Variants in TSPAN18 observed in about 807,000 individuals in gnomAD.
TSPAN18 encodes tetraspanin-18.
A neutral mutation model predicts 27.3 loss-of-function variants in TSPAN18; 14 were observed. The ratio of observed to expected loss-of-function variants is 0.51; its 90% CI spans 0.34 to 0.80. The LOEUF (loss-of-function observed/expected upper bound fraction) is 0.80, where lower values mean the gene tolerates loss of function less well. TSPAN18 is among the 30% of genes least tolerant of loss of function. TSPAN18 has a pLI of 0.01. For missense variants in TSPAN18, 268 were observed against 323.9 expected (o/e 0.83, Z 1.32); for synonymous variants, 143 against 136.5 (o/e 1.05, Z -0.33).
In TSPAN18 at chr11:44,812,573, G is replaced by A. The variant is rs565111338; in HGVS notation, c.-152-47755G>A. Among the ~76,000 whole-genome samples the A allele has an allele frequency of 3.3e-5, 5 of 152,254 alleles. No individual in the cohort carries two copies. In the South Asian group the frequency reaches 1.0e-3, roughly 32 times the overall value. On this transcript the variant is annotated intron_variant, in intron 2 of 9. Coordinates refer to ENST00000520358, the MANE Select transcript of TSPAN18 (RefSeq NM_130783.5). ...GGGGAGGTGGTGCAAACTCTGATGG[G>A]GGCCCATCTTCACAGACTCCCTAGT...
chr11:44,929,192 A>C lies in TSPAN18; in HGVS notation c.*14A>C. ...GGCATCCAGTAGAGGGTATGGCCTG[A>C]AGCCTGAAGACTCGCCCCACCCACC... is the stretch of plus-strand genomic sequence containing the variant. On this transcript the variant is annotated 3_prime_UTR_variant, in exon 10 of 10. Transcript: ENST00000520358. The C allele has an allele frequency of 6.2e-7, 1 of 1,613,346 alleles. No homozygotes were observed. Among genetic ancestry groups the C allele is most frequent in the Non-Finnish European group, 8.5e-7 (1 of 1,179,954 alleles).
intron 2 of TSPAN18, among the ~76,000 whole-genome samples, chr11:44,851,023 C>T (rs1254858755): frequency 6.6e-6 from 1 of 152,210 alleles, no homozygotes; most frequent in Non-Finnish European, 1.5e-5. Flanking sequence ...CAACACCATC[C>T]CAGGGCTGTG....
intron 3 of TSPAN18, among the ~76,000 whole-genome samples, chr11:44,892,968 G>T (rs1858903173): frequency 6.6e-6 from 1 of 152,224 alleles, no homozygotes; most frequent in Non-Finnish European, 1.5e-5. Context: ...TCAATTGGTG[G>T]GAAGAGCAGC....
intron 4 of TSPAN18, among the ~76,000 whole-genome samples, chr11:44,908,802 A>AGAAGGAAGGAAGGAAG (rs1859584133): frequency 8.7e-6 from 1 of 115,604 alleles, no homozygotes; most frequent in African/African-American, 3.6e-5. Context: ...AAAGAAAGAA[A>AGAAGGAAGGAAGGAAG]GAAAGAAAGA....
In TSPAN18 at chr11:44,929,297, A is replaced by G; in HGVS notation, c.*119A>G. 7.7e-7 allele frequency: 1 copy of G among 1,293,440 alleles called. No homozygotes were observed. The highest frequency in any genetic ancestry group is 1.1e-6 in the Non-Finnish European group (1 of 915,698). 80.1% of individuals were successfully genotyped at this position (1,293,440 alleles called of 1,614,324 possible). On this transcript the variant is annotated 3_prime_UTR_variant, in exon 10 of 10. Coordinates refer to ENST00000520358, the MANE Select transcript of TSPAN18 (RefSeq NM_130783.5). The stretch of plus-strand genomic sequence containing the variant: ...AGGGGAGAAGATGAGGCCATCAGAG[A>G]TGGCCAGGAGAAGGGCCAGGGGAAT...
At chr11:44,829,647 G>A (rs1262662191) in intron 2 of TSPAN18, among the ~76,000 whole-genome samples, 2 of 152,152 alleles carry the variant, frequency 1.3e-5, no homozygotes, top group Admixed American at 6.5e-5. Context: ...GTAAACATTA[G>A]TGTGCGGTTT....
At chr11:44,817,543 T>G (rs1382008272) in intron 2 of TSPAN18, among the ~76,000 whole-genome samples, 1 of 152,234 alleles carries the variant, frequency 6.6e-6, no homozygotes, top group Non-Finnish European at 1.5e-5. Flanking sequence ...CAGTGGCTAC[T>G]GAGATTTTCT....
chr11:44,926,131 G>A (rs979656314), intron 8 of TSPAN18, among the ~76,000 whole-genome samples: 1 of 152,186 alleles, frequency 6.6e-6, no homozygotes, highest in Non-Finnish European at 1.5e-5. Flanking sequence ...AGGCTGGGCT[G>A]TGTTTCCTTG....
At chr11:44,745,264 TTAATA>T (rs1401159565) in intron 1 of TSPAN18, among the ~76,000 whole-genome samples, 5 of 152,184 alleles carry the variant, frequency 3.3e-5, no homozygotes, top group African/African-American at 1.2e-4. Flanking sequence ...TCAAGTGATT[TTAATA>T]TAATTTCATC....
chr11:44,889,759 T>C (rs1858781784), intron 3 of TSPAN18, among the ~76,000 whole-genome samples: 1 of 152,210 alleles, frequency 6.6e-6, no homozygotes, highest in Non-Finnish European at 1.5e-5. Context: ...GGACCCCAGA[T>C]AAACCTCAGG....
intron 2 of TSPAN18, among the ~76,000 whole-genome samples, chr11:44,812,007 A>C (rs1272468475): frequency 6.6e-6 from 1 of 152,136 alleles, no homozygotes; most frequent in Non-Finnish European, 1.5e-5. Context: ...ATATGTTGCT[A>C]GTGGTCGACT....
rs370157127 is a variant in TSPAN18, at chr11:44,732,468, TA to T, written c.-240+5182del. Among the ~76,000 whole-genome samples, 450 of 152,326 alleles carry T rather than the reference TA, an allele frequency of 3.0e-3. 1 individual carries two copies. Among genetic ancestry groups the T allele is most frequent in the African/African-American group, 0.01 (427 of 41,568 alleles). ...TATCCTGTGTGCTAAACCACTGTGT[TA>T]TATTTCCTCATGTATCAAAACCTCC... On this transcript the variant is annotated intron_variant, in intron 1 of 9. Transcript: ENST00000520358.
chr11:44,778,923 A>G (rs1367592604), intron 2 of TSPAN18, among the ~76,000 whole-genome samples: 3 of 151,990 alleles, frequency 2.0e-5, no homozygotes, highest in Non-Finnish European at 4.4e-5. Context: ...ATCTCTGGGG[A>G]CATTAGTCTT....
intron 2 of TSPAN18, among the ~76,000 whole-genome samples, chr11:44,776,868 TTGGCTTATA>T (rs1305324548): frequency 2.6e-5 from 4 of 152,208 alleles, no homozygotes; most frequent in Non-Finnish European, 5.9e-5. Flanking sequence ...TTCTCTAGAT[TTGGCTTATA>T]TTCTGAGTGT....
chr11:44,924,596 A>G (rs553177773), intron 8 of TSPAN18, among the ~76,000 whole-genome samples: 5 of 152,278 alleles, frequency 3.3e-5, no homozygotes, highest in African/African-American at 1.2e-4. Context: ...CACGTGGAAC[A>G]CTGAGGGGAT....
chr11:44,793,333 A>G (rs566638479), intron 2 of TSPAN18, among the ~76,000 whole-genome samples: 2 of 152,294 alleles, frequency 1.3e-5, no homozygotes, highest in Admixed American at 6.5e-5. Context: ...CCAGGGACTC[A>G]AGGGCCACCT....
At chr11:44,857,137 G>A (rs560872285) in intron 2 of TSPAN18, among the ~76,000 whole-genome samples, 1 of 152,338 alleles carries the variant, frequency 6.6e-6, no homozygotes, top group South Asian at 2.1e-4. Context: ...GGGAAAGAGG[G>A]ACTTAGGTAA....
chr11:44,792,952 G>C (rs1391611252), intron 2 of TSPAN18, among the ~76,000 whole-genome samples: 1 of 152,126 alleles, frequency 6.6e-6, no homozygotes, highest in Non-Finnish European at 1.5e-5. Context: ...CGTCTCGTGT[G>C]ACTCAAAGTC....
chr11:44,909,529 G>C, intron 4 of TSPAN18, 176 bp from the exon 5 acceptor site: 4 of 596,160 alleles, frequency 6.7e-6, no homozygotes, highest in Non-Finnish European at 8.7e-6. Flanking sequence ...AAAATTAAAA[G>C]CAATTCAAGG....
Sources: gnomAD v4.1 joint callset for allele counts (sites outside exome capture counted in the v4.1 genomes callset) on GRCh38, gnomAD v4.1.1 for gene constraint, MANE v1.5 for transcripts, NCBI Gene and HGNC (gene_info 2026-07-23, HGNC 2026-07-21) for gene names.